The following THBS4 variants were observed in gnomAD, a reference collection of about 807,000 sequenced individuals.
The protein encoded by THBS4 is thrombospondin-4.
THBS4 carries 90 observed loss-of-function variants against 115.7 expected under a neutral mutation model. That is an observed-to-expected ratio of 0.78 (90% confidence interval 0.66 to 0.93). The LOEUF is 0.93. Among genes scored for constraint, THBS4 ranks in the 40% least tolerant of loss-of-function variants. The probability of loss-of-function intolerance (pLI) is 0.00; values close to 1 mark genes in which losing one functional copy is unlikely to be tolerated. For synonymous variants in THBS4, 460 were observed against 479.3 expected (o/e 0.96, Z 0.53); for missense variants, 1,087 against 1,232.7 (o/e 0.88, Z 1.77).
Position 80,065,123 on chromosome 5 carries a change from A to T in THBS4, c.1126-286A>T, listed in dbSNP as rs193042193. Among the ~76,000 whole-genome samples the T allele has an allele frequency of 6.3e-3, 960 of 152,310 alleles. 4 individuals carry two copies. Among genetic ancestry groups the T allele is most frequent in the Non-Finnish European group, 0.011 (720 of 68,038 alleles). ...TGATTCCCAAGCAAGATTAAAAAAA[A>T]AAATAAAACTTTCCTAACCTAAAAA... is the stretch of plus-strand genomic sequence containing the variant. On this transcript the variant is annotated intron_variant, in intron 8 of 21. Coordinates refer to ENST00000350881, the MANE Select transcript of THBS4 (RefSeq NM_003248.6).
chr5:80,005,853 G>C (rs1253770480), intron 2 of THBS4, among the ~76,000 whole-genome samples: 1 of 142,630 alleles, frequency 7.0e-6, no homozygotes, highest in African/African-American at 2.7e-5. Context: ...TGCAACCTCT[G>C]CCTCTCAGGT....
intron 1 of THBS4, among the ~76,000 whole-genome samples, chr5:80,039,580 T>A (rs1832827519): frequency 6.6e-6 from 1 of 152,234 alleles, no homozygotes; most frequent in Non-Finnish European, 1.5e-5. Context: ...CCAGCACATC[T>A]ACCACCATAG....
Position 80,058,257 on chromosome 5 carries a change from G to A in THBS4, c.592G>A (p.Ala198Thr). The change falls in exon 4 of 22, where the codon GCC becomes ACC. Residue 198 changes from alanine (A) to threonine (T), a missense_variant. By Grantham distance (58) the Ala-to-Thr change is moderately conservative. Coordinates refer to ENST00000350881, the MANE Select transcript of THBS4 (RefSeq NM_003248.6). ...LVVRGSLFQV[A>T]SLQDCFLQQS... ...GGTGAGAGGCTCACTGTTCCAGGTG[G>A]CCAGCCTGCAAGACTGCTTCCTGCA... is the stretch of plus-strand genomic sequence containing the variant. 6.3e-7 allele frequency: 1 copy of A among 1,578,778 alleles called. No individual in the cohort carries two copies. The highest frequency in any genetic ancestry group is 1.2e-5 in the South Asian group (1 of 86,088).
chr5:80,037,370 CCTT>C (rs1426993697), intron 1 of THBS4, among the ~76,000 whole-genome samples: 1 of 152,096 alleles, frequency 6.6e-6, no homozygotes, highest in Non-Finnish European at 1.5e-5. Flanking sequence ...TTGATTATCT[CCTT>C]CTTCCCCTGA....
chr5:79,996,823 G>T (rs1831802828), intron 1 of THBS4, among the ~76,000 whole-genome samples: 1 of 152,124 alleles, frequency 6.6e-6, no homozygotes, highest in Admixed American at 6.5e-5. Context: ...AATGAGGTTT[G>T]TAAAGGGTCC....
At chr5:80,077,148 C>A in intron 16 of THBS4, 100 bp downstream of exon 16, 1 of 1,101,694 alleles carries the variant, frequency 9.1e-7, no homozygotes, top group Non-Finnish European at 1.3e-6. Flanking sequence ...AGAATATCCC[C>A]AGCTCCCATC....
chr5:80,015,082 C>T (rs1243332367), intron 2 of THBS4, among the ~76,000 whole-genome samples: 1 of 152,222 alleles, frequency 6.6e-6, no homozygotes, highest in African/African-American at 2.4e-5. Context: ...TTAATGGAAA[C>T]TTTACATCTT....
intron 4 of THBS4, 61 bp downstream of exon 4, chr5:80,058,375 G>T: frequency 7.9e-7 from 1 of 1,268,072 alleles, no homozygotes. Flanking sequence ...ACCCTGAATA[G>T]GCTGGGTCCC....
chr5:79,991,362 C>T (rs1831668162), exon 1 of THBS4: 4 of 851,692 alleles, frequency 4.7e-6, no homozygotes, highest in African/African-American at 3.4e-5. Context: ...ATGAGAGAAA[C>T]AACGACTGGA....
chr5:80,032,390 G>A (rs1380323480), upstream of THBS4, among the ~76,000 whole-genome samples: 1 of 152,154 alleles, frequency 6.6e-6, no homozygotes, highest in Admixed American at 6.5e-5. Context: ...GTGCCTATAT[G>A]TGTGTATTAG....
At chr5:80,061,018 C>T (rs534810232) in intron 7 of THBS4, among the ~76,000 whole-genome samples, 16 of 152,328 alleles carry the variant, frequency 1.1e-4, no homozygotes, top group Admixed American at 3.3e-4. Context: ...GCAATTAAGA[C>T]GGTCTCTAGT....
chr5:80,073,385 GGTTT>G (rs1743003412), intron 15 of THBS4, 58 bp downstream of exon 15: 27 of 1,527,388 alleles, frequency 1.8e-5, no homozygotes, highest in African/African-American at 8.5e-5. Flanking sequence ...GAGGGTTTTT[GGTTT>G]GTTTTTTTTT....
upstream of THBS4, among the ~76,000 whole-genome samples, chr5:80,030,430 C>A (rs1285221211): frequency 6.6e-6 from 1 of 151,944 alleles, no homozygotes; most frequent in Non-Finnish European, 1.5e-5. Flanking sequence ...TGCAGTGGTG[C>A]AATCTCGGCT....
At chr5:80,074,494 T>C (rs1743091544) in intron 15 of THBS4, 2 of 152,256 alleles carry the variant, frequency 1.3e-5, no homozygotes, top group African/African-American at 4.8e-5. Flanking sequence ...AGGGAAAGGA[T>C]TCTAAAAGAG....
intron 2 of THBS4, chr5:80,052,275 T>C (rs1833280739): frequency 6.6e-6 from 1 of 152,204 alleles, no homozygotes. Context: ...TAAAAAAATT[T>C]TCAGATACAA....
intron 2 of THBS4, among the ~76,000 whole-genome samples, chr5:80,055,282 A>G (rs1833385282): frequency 1.3e-5 from 2 of 151,690 alleles, no homozygotes; most frequent in Admixed American, 6.6e-5. Context: ...AGATCGTCCC[A>G]CTGCACTGCA....
In THBS4 at chr5:80,078,099, A is replaced by C; in HGVS notation, c.2137A>C (p.Ile713Leu). The C allele has an allele frequency of 1.9e-6, 3 of 1,610,218 alleles. No individual in the cohort carries two copies. In the South Asian group the frequency reaches 3.3e-5, roughly 18 times the overall value. ...CESDFDQDQV[I>L]DRIDVCPENA... ...GTCTGACTTTGACCAGGACCAGGTC[A>C]TCGATCGGATCGACGTCTGCCCAGA... The change falls in exon 17 of 22, where the codon ATC becomes CTC. Residue 713 changes from isoleucine (I) to leucine (L), a missense_variant. By Grantham distance (5) the Ile-to-Leu change is conservative. Transcript: ENST00000350881.
chr5:80,035,656 C>A lies in THBS4; in HGVS notation c.88+31C>A. The A allele has an allele frequency of 7.7e-7, 1 of 1,299,486 alleles. No homozygotes were observed. The highest frequency in any genetic ancestry group is 9.8e-7 in the Non-Finnish European group (1 of 1,019,242). 80.5% of individuals were successfully genotyped at this position (1,299,486 alleles called of 1,614,324 possible). On this transcript the variant is annotated intron_variant, in intron 1 of 21. Coordinates refer to ENST00000350881, the MANE Select transcript of THBS4 (RefSeq NM_003248.6). The surrounding 1 kb of genome is among the most constrained non-coding windows in gnomAD (Gnocchi z 4.6). ...TGGGTTCGGGTCGGGCCTGGGAGCGCCGGGCACCGGGTGCCCCATCTGCTG... is the reference window on the plus strand; with the variant it reads ...TGGGTTCGGGTCGGGCCTGGGAGCGACGGGCACCGGGTGCCCCATCTGCTG...
In THBS4 at chr5:80,083,072, T is replaced by C; in HGVS notation, c.2825-8T>C. 2 of 1,613,654 alleles carry C rather than the reference T, an allele frequency of 1.2e-6. No individual in the cohort carries two copies. Among genetic ancestry groups the C allele is most frequent in the Non-Finnish European group, 1.7e-6 (2 of 1,179,510 alleles). Reference sequence around the variant, plus strand: ...TCGCTAACCTCCCTGTGCCCATTCCTATTGCAGACACCATCCCTGAGGACT... The same window carrying C: ...TCGCTAACCTCCCTGTGCCCATTCCCATTGCAGACACCATCCCTGAGGACT... On this transcript the variant is annotated splice_region_variant and splice_polypyrimidine_tract_variant and intron_variant, in intron 21 of 21. Coordinates refer to ENST00000350881, the MANE Select transcript of THBS4 (RefSeq NM_003248.6).
Sources: allele counts gnomAD v4.1 joint callset (sites outside exome capture counted in the v4.1 genomes callset), GRCh38; gene constraint gnomAD v4.1.1; non-coding constraint Gnocchi (gnomAD v3.1); transcripts MANE v1.5; gene names NCBI Gene and HGNC (gene_info 2026-07-23, HGNC 2026-07-21).